The following CLCNKA variants were observed in gnomAD, a reference collection of about 807,000 sequenced individuals.
CLCNKA encodes the protein chloride voltage-gated channel Ka, also known as chloride channel protein ClC-Ka.
In CLCNKA, 66 loss-of-function variants were observed where a neutral mutation model predicts 83.3. The observed-to-expected ratio is 0.79, with a 90% CI of 0.65 to 0.97. The LOEUF is 0.97. Among genes scored for constraint, CLCNKA ranks in the 50% least tolerant of loss-of-function variants. The pLI, the probability that CLCNKA is intolerant of heterozygous loss-of-function variation, is 0.00. For missense variants in CLCNKA, 806 were observed against 888.7 expected (o/e 0.91, Z 1.18); for synonymous variants, 357 against 370.4 (o/e 0.96, Z 0.42).
In CLCNKA at chr1:16,030,820, A is replaced by T. The variant is rs939986515; in HGVS notation, c.1622+146A>T. 1,449 of 1,142,750 alleles carry T rather than the reference A, an allele frequency of 1.3e-3. 2 individuals carry two copies. The highest frequency in any genetic ancestry group is 7.7e-3 in the African/African-American group (511 of 66,606). The allele number at this position is 1,142,750 out of a possible 1,614,324, so 70.8% of individuals were successfully genotyped here. A position where few individuals can be genotyped will look rare whatever the true frequency, so the allele number is the denominator to read the frequency against. On this transcript the variant is annotated intron_variant, in intron 15 of 19. Transcript: ENST00000331433. Reference sequence around the variant, plus strand: ...GGGGCTGACACACAGCTGTGCTCTCATCTCCACTCTCCCCAGTGCCCTGGG... The same window carrying T: ...GGGGCTGACACACAGCTGTGCTCTCTTCTCCACTCTCCCCAGTGCCCTGGG...
Position 16,026,381 on chromosome 1 carries a change from G to A in CLCNKA, c.498+134G>A, listed in dbSNP as rs1204122049. 1.5e-5 allele frequency: 22 copies of A among 1,466,348 alleles called. 1 individual carries two copies. The highest frequency in any genetic ancestry group is 7.7e-5 in the Admixed American group (4 of 51,984). The allele number at this position is 1,466,348 out of a possible 1,614,324, so 90.8% of individuals were successfully genotyped here. A position where few individuals can be genotyped will look rare whatever the true frequency, so the allele number is the denominator to read the frequency against. ...GCCTTCAGGGAGCTCAGTCTTAGGG[G>A]AAGAGCCAGGCCAGGTCCCCAGTGT... On this transcript the variant is annotated intron_variant, in intron 5 of 19. Transcript: ENST00000331433.
At chr1:16,023,774 G>T in intron 2 of CLCNKA, 26 bp from the exon 3 acceptor site, 2 of 1,613,580 alleles carry the variant, frequency 1.2e-6, no homozygotes, top group Non-Finnish European at 1.7e-6. Context: ...CCCAACATAA[G>T]CTGGGACTCC....
In CLCNKA at chr1:16,032,627, C is replaced by G; in HGVS notation, c.1929+101C>G. 7 of 917,386 alleles carry G rather than the reference C, an allele frequency of 7.6e-6. 1 individual carries two copies. The Middle Eastern group carries it at 8.9e-4, about 117-fold the overall frequency. 56.8% of individuals were successfully genotyped at this position (917,386 alleles called of 1,614,324 possible). Reference sequence around the variant, plus strand: ...CCTCCCGTCCCAACCCCGCCCCGCCCATCTTATCCTGCTTCCTGCTCCTCC... The same window carrying G: ...CCTCCCGTCCCAACCCCGCCCCGCCGATCTTATCCTGCTTCCTGCTCCTCC... On this transcript the variant is annotated intron_variant, in intron 18 of 19. Transcript: ENST00000331433.
Position 16,032,248 on chromosome 1 carries a change from A to G in CLCNKA, c.1802A>G (p.Gln601Arg), listed in dbSNP as rs1435107302. ...ATCGTGCAGAGGGCCCAGCTGGTGCAGGCCCTCCAGGCTGAGCCTCCTTCC... is the reference window on the plus strand; with the variant it reads ...ATCGTGCAGAGGGCCCAGCTGGTGCGGGCCCTCCAGGCTGAGCCTCCTTCC... The part of the protein sequence containing the change: ...VGIVQRAQLV[Q>R]ALQAEPPSRA... The change falls in exon 17 of 20, where the codon CAG (glutamine) becomes CGG (arginine). Residue 601 changes from glutamine (Q) to arginine (R), a missense_variant. Physicochemically the swap from Gln to Arg is conservative, Grantham distance 43. Coordinates refer to ENST00000331433, the MANE Select transcript of CLCNKA (RefSeq NM_004070.4). 6.4e-7 allele frequency: 1 copy of G among 1,572,552 alleles called. No individual in the cohort carries two copies. The highest frequency in any genetic ancestry group is 2.4e-5 in the East Asian group (1 of 41,572).
Position 16,031,776 on chromosome 1 carries a change from G to T in CLCNKA, c.1689G>T (p.Pro563=). 1 of 1,611,716 alleles carries T rather than the reference G, an allele frequency of 6.2e-7. No homozygotes were observed. The highest frequency in any genetic ancestry group is 8.5e-7 in the Non-Finnish European group (1 of 1,178,174). Residue 563 remains proline, a synonymous_variant, in exon 16 of 20, where the codon CCG becomes CCT. Coordinates refer to ENST00000331433, the MANE Select transcript of CLCNKA (RefSeq NM_004070.4). ...HSITTLAKDT[P]LEEVVKVVTS... is the part of the protein sequence containing the mutation. ...TCACCACACTGGCCAAGGACACGCC[G>T]CTGGAGGAGGTGGTCAAGGTTGTGA...
intron 3 of CLCNKA, among the ~76,000 whole-genome samples, chr1:16,024,457 T>TAATGTCTTTAGTCTTC (rs375406407): frequency 2.0e-5 from 3 of 152,218 alleles, no homozygotes; most frequent in African/African-American, 7.2e-5. Flanking sequence ...CTTTAGTCTT[T>TAATGTCTTTAGTCTTC]AATGTCTTTA....
chr1:16,026,293 C>G (rs1430341194), intron 5 of CLCNKA, 46 bp downstream of exon 5: 1 of 1,603,310 alleles, frequency 6.2e-7, no homozygotes, highest in Admixed American at 1.7e-5. Context: ...CCCACCCTAC[C>G]CTGCCCCAGC....
intron 19 of CLCNKA, 57 bp downstream of exon 19, chr1:16,033,313 G>A: frequency 6.4e-7 from 1 of 1,574,050 alleles, no homozygotes; most frequent in Non-Finnish European, 8.7e-7. Context: ...GAAGGCTGGG[G>A]AGATGGGGAG....
chr1:16,028,217 C>A, intron 10 of CLCNKA, 98 bp downstream of exon 10: 1 of 1,120,742 alleles, frequency 8.9e-7, no homozygotes. Context: ...CACTGAGCCC[C>A]TAAATCCCTC....
Position 16,030,562 on chromosome 1 carries a change from G to A in CLCNKA, c.1510G>A (p.Ala504Thr). 6.2e-7 allele frequency: 1 copy of A among 1,613,100 alleles called. No individual in the cohort carries two copies. The highest frequency in any genetic ancestry group is 8.5e-7 in the Non-Finnish European group (1 of 1,180,030). ...AGTGCATGCACTGCCCGTGCTGATG[G>A]CGGTGCTGGCAGCCAACGCCATTGC... ...QIVHALPVLM[A>T]VLAANAIAQS... Residue 504 changes from alanine to threonine, a missense_variant, in exon 15 of 20, where the codon GCG becomes ACG. By Grantham distance (58) the Ala-to-Thr change is moderately conservative. Coordinates refer to ENST00000331433, the MANE Select transcript of CLCNKA (RefSeq NM_004070.4).
At chr1:16,033,548 T>TGGTGGGGGGGGGGGGGGGGG in intron 19 of CLCNKA, 63 bp from the exon 20 acceptor site, 1 of 1,121,930 alleles carries the variant, frequency 8.9e-7, no homozygotes, top group Non-Finnish European at 1.4e-6. Flanking sequence ...CTAAAAATGC[T>TGGTGGGGGGGGGGGGGGGGG]GGAGCCCCCC....
At chr1:16,026,334 G>T in intron 5 of CLCNKA, 87 bp downstream of exon 5, 1 of 1,527,350 alleles carries the variant, frequency 6.5e-7, no homozygotes, top group Non-Finnish European at 8.9e-7. Flanking sequence ...AGCTGGGTCA[G>T]AGCAGACTCA....
At chr1:16,033,063 A>G (rs1349934134) in intron 18 of CLCNKA, 107 bp from the exon 19 acceptor site, 20 of 1,194,118 alleles carry the variant, frequency 1.7e-5, no homozygotes, top group Admixed American at 5.1e-5. Flanking sequence ...CCTCCCACAC[A>G]TATCAGGCCC....
rs3738637 is a variant in CLCNKA, at chr1:16,022,585, G to A, written c.-7-28G>A. On this transcript the variant is annotated intron_variant, in intron 1 of 19. Coordinates refer to ENST00000331433, the MANE Select transcript of CLCNKA (RefSeq NM_004070.4). ...CGCGAGGACGTGCAGCAGCTCACCC[G>A]GGTCCTTCCCTCCATCTGCTTCTCC... The A allele has an allele frequency of 0.064, 97,287 of 1,514,344 alleles. 3,670 individuals carry two copies. Among genetic ancestry groups the A allele is most frequent in the South Asian group, 0.13 (10,845 of 80,944 alleles). The allele number at this position is 1,514,344 out of a possible 1,614,324, so 93.8% of individuals were successfully genotyped here.
In CLCNKA at chr1:16,024,255, C is replaced by T. The variant is rs1291704532; in HGVS notation, c.229+327C>T. 2.6e-5 allele frequency among the ~76,000 whole-genome samples: 4 copies of T among 152,372 alleles called. No individual in the cohort carries two copies. The East Asian group carries it at 5.8e-4, about 22-fold the overall frequency. The stretch of plus-strand genomic sequence containing the variant: ...CAGGAGTGGGGACACTTGCCTAGAT[C>T]ACCAAACTTGGAGTCTTCCCCCTGC... On this transcript the variant is annotated intron_variant, in intron 3 of 19. Coordinates refer to ENST00000331433, the MANE Select transcript of CLCNKA (RefSeq NM_004070.4).
intron 2 of CLCNKA, 60 bp from the exon 3 acceptor site, chr1:16,023,740 G>A: frequency 6.2e-7 from 1 of 1,606,302 alleles, no homozygotes; most frequent in African/African-American, 1.3e-5. Context: ...GACCTCCAGG[G>A]AAGGGGCTGT....
intron 7 of CLCNKA, among the ~76,000 whole-genome samples, 187 bp from the exon 8 acceptor site, chr1:16,027,123 T>C (rs1224285926): frequency 6.6e-6 from 1 of 152,170 alleles, no homozygotes; most frequent in African/African-American, 2.4e-5. Flanking sequence ...CCAGGCTGGA[T>C]GGATCCCTGG....
At position 16,023,863 on chromosome 1, in the gene CLCNKA, C is replaced by A. The variant is rs1017556927; in HGVS notation, c.164C>A (p.Thr55Asn). ...RLGEDWYFLM[T>N]LGVLMALVSY... ...GGAGAAGACTGGTACTTCCTGATGA[C>A]CCTCGGGGTGCTCATGGCCCTGGTC... is the stretch of plus-strand genomic sequence containing the variant. Residue 55 changes from threonine (T) to asparagine (N), a missense_variant, in exon 3 of 20, where the codon ACC becomes AAC. Thr to Asn is a moderately conservative substitution (Grantham distance 65). Transcript: ENST00000331433. The A allele has an allele frequency of 5.6e-6, 9 of 1,614,174 alleles. No homozygotes were observed. The highest frequency in any genetic ancestry group is 1.3e-5 in the African/African-American group (1 of 75,058).
At position 16,030,035 on chromosome 1, in the gene CLCNKA, G is replaced by A. The variant is rs139640286; in HGVS notation, c.1368G>A (p.Gly456=). Residue 456 remains glycine (G), a synonymous_variant, in exon 14 of 20, where the codon GGG becomes GGA. Coordinates refer to ENST00000331433, the MANE Select transcript of CLCNKA (RefSeq NM_004070.4). ...TCCCTGAGGGCATTGTGACTGGAGG[G>A]GTTACCAATCCCATCATGCCCGGGG... The part of the protein sequence containing the change: ...VAFPEGIVTG[G]VTNPIMPGGY... 1.9e-6 allele frequency: 3 copies of A among 1,610,420 alleles called. No individual in the cohort carries two copies. The highest frequency in any genetic ancestry group is 1.7e-6 in the Non-Finnish European group (2 of 1,177,132).
Sources: gnomAD v4.1 joint callset for allele counts (sites outside exome capture counted in the v4.1 genomes callset) on GRCh38, gnomAD v4.1.1 for gene constraint, MANE v1.5 for transcripts, NCBI Gene and HGNC (gene_info 2026-07-23, HGNC 2026-07-21) for gene names.